The following HIPK3 variants were observed in gnomAD, a reference collection of about 807,000 sequenced individuals.
The protein encoded by HIPK3 is homeodomain interacting protein kinase 3.
Under a neutral mutation model 124.2 loss-of-function variants are expected in HIPK3, and 47 were observed. That is an observed-to-expected ratio of 0.38 (90% CI 0.30 to 0.48). HIPK3 has a LOEUF of 0.48. Among genes scored for constraint, HIPK3 ranks in the 20% least tolerant of loss-of-function variants. The pLI, the probability that HIPK3 is intolerant of heterozygous loss-of-function variation, is 0.98. For missense variants in HIPK3, 1,286 were observed against 1,454.3 expected (o/e 0.88, Z 1.88); for synonymous variants, 482 against 515.2 (o/e 0.94, Z 0.87).
chr11:33,272,286 C>G lies in HIPK3; in HGVS notation c.-2-14127C>G, dbSNP rs1167783995. On this transcript the variant is annotated intron_variant, in intron 1 of 16. Coordinates refer to ENST00000303296, the MANE Select transcript of HIPK3 (RefSeq NM_005734.5). ...TGGTGGCAGGTGCCTGTAATCCCAG[C>G]TACTCAGGAGGCTGAGGCAGGAGAA... 2.6e-5 allele frequency among the ~76,000 whole-genome samples: 4 copies of G among 152,100 alleles called. No individual in the cohort carries two copies. The East Asian group carries it at 5.8e-4, about 22-fold the overall frequency.
At chr11:33,290,218 A>G (rs970322300) in intron 2 of HIPK3, among the ~76,000 whole-genome samples, 1 of 152,192 alleles carries the variant, frequency 6.6e-6, no homozygotes, top group African/African-American at 2.4e-5. Flanking sequence ...GATACCATTA[A>G]AACTTTTCAG....
At chr11:33,331,355 T>C (rs894315528) in intron 3 of HIPK3, among the ~76,000 whole-genome samples, 1 of 152,124 alleles carries the variant, frequency 6.6e-6, no homozygotes, top group East Asian at 1.9e-4. Flanking sequence ...TGCCTAGATA[T>C]ACTTGGACAC....
chr11:33,289,394 A>G (rs1448901552), intron 2 of HIPK3, among the ~76,000 whole-genome samples: 1 of 152,158 alleles, frequency 6.6e-6, no homozygotes, highest in African/African-American at 2.4e-5. Context: ...ACAGTGAGCT[A>G]TGATAATGCC....
Position 33,287,423 on chromosome 11 carries a change from C to T in HIPK3, c.1009C>T (p.Pro337Ser). Residue 337 changes from proline (P) to serine (S), a missense_variant, in exon 2 of 17, where the codon CCT (proline) becomes TCT (serine). Physicochemically the swap from Pro to Ser is moderately conservative, Grantham distance 74 (BLOSUM62 -1). Around this residue, in one of 3 missense-constraint regions of HIPK3, gnomAD observed 251 missense variants for 349.1 expected, o/e 0.72. Coordinates refer to ENST00000303296, the MANE Select transcript of HIPK3 (RefSeq NM_005734.5). ...NIMLVDPVRQ[P>S]YRVKVIDFGS... ...TATGTTGGTGGATCCTGTTCGGCAG[C>T]CTTACAGGGTTAAAGTAATAGACTT... 1 of 1,614,086 alleles carries T rather than the reference C, an allele frequency of 6.2e-7. No homozygotes were observed. Among genetic ancestry groups the T allele is most frequent in the South Asian group, 1.1e-5 (1 of 91,074 alleles).
At chr11:33,322,817 C>G (rs184119683) in intron 2 of HIPK3, among the ~76,000 whole-genome samples, 1,537 of 152,266 alleles carry the variant, frequency 0.01, 10 homozygotes, top group Non-Finnish European at 0.017. Context: ...CAGAGCGAGA[C>G]TCCGTCTCAG....
Position 33,353,487 on chromosome 11 carries a change from A to C in HIPK3, c.3567A>C (p.Pro1189=), listed in dbSNP as rs1213865233. The change falls in exon 17 of 17, where the codon CCA becomes CCC. Residue 1189 remains proline, a synonymous_variant. Coordinates refer to ENST00000303296, the MANE Select transcript of HIPK3 (RefSeq NM_005734.5). Reference sequence around the variant, plus strand: ...CTCAGTACAAACCAATCTTCCCACCACATTCTTACATTGCAGCATCACCTG... The same window carrying C: ...CTCAGTACAAACCAATCTTCCCACCCCATTCTTACATTGCAGCATCACCTG... ...HQTQYKPIFP[P]HSYIAASPAY... is the part of the protein sequence containing the mutation. 1.2e-6 allele frequency: 2 copies of C among 1,614,090 alleles called. No individual in the cohort carries two copies. The highest frequency in any genetic ancestry group is 2.2e-5 in the South Asian group (2 of 91,080).
rs1853290483 is a variant in HIPK3, at chr11:33,340,234, C to T, written c.1613+700C>T. 2.6e-5 allele frequency among the ~76,000 whole-genome samples: 4 copies of T among 152,182 alleles called. 1 individual carries two copies. In the South Asian group the frequency reaches 8.3e-4, roughly 32 times the overall value. ...GAGTAGCTGGGACTACAGGCATACG[C>T]CACCATGCCTGGCAAATTTTTCGTA... On this transcript the variant is annotated intron_variant, in intron 6 of 16. Transcript: ENST00000303296.
intron 2 of HIPK3, among the ~76,000 whole-genome samples, chr11:33,320,525 A>G (rs976643815): frequency 6.6e-6 from 1 of 152,186 alleles, no homozygotes; most frequent in African/African-American, 2.4e-5. Flanking sequence ...ATGGTAGAGG[A>G]TAAGGACAGA....
chr11:33,328,507 C>T lies in HIPK3; in HGVS notation c.1098-3C>T, dbSNP rs1852875243. The T allele has an allele frequency of 6.2e-7, 1 of 1,608,258 alleles. No homozygotes were observed. Among genetic ancestry groups the T allele is most frequent in the Non-Finnish European group, 8.5e-7 (1 of 1,177,372 alleles). On this transcript the variant is annotated splice_polypyrimidine_tract_variant and splice_region_variant and intron_variant, in intron 2 of 16. Transcript: ENST00000303296. ...TGATTTTTGTTTTAATTTTAAATTT[C>T]AGAGCTCCAGAGATTATATTGGGGT...
At chr11:33,259,384 A>C (rs181031620) in intron 1 of HIPK3, among the ~76,000 whole-genome samples, 6 of 152,226 alleles carry the variant, frequency 3.9e-5, no homozygotes, top group Non-Finnish European at 8.8e-5. Context: ...GTGCAGTGCT[A>C]ATTTTATACA....
chr11:33,330,516 A>G (rs1852945524), intron 3 of HIPK3, among the ~76,000 whole-genome samples: 1 of 152,074 alleles, frequency 6.6e-6, no homozygotes, highest in Non-Finnish European at 1.5e-5. Flanking sequence ...TTTAGTAGAG[A>G]TGGGGTTTCA....
At position 33,355,740 on chromosome 11, in the gene HIPK3, C is replaced by T. The variant is rs931557233; in HGVS notation, c.*2172C>T. 1.3e-5 allele frequency: 2 copies of T among 151,900 alleles called. No individual in the cohort carries two copies. The highest frequency in any genetic ancestry group is 1.5e-5 in the Non-Finnish European group (1 of 67,870). 9.4% of individuals were successfully genotyped at this position (151,900 alleles called of 1,614,324 possible). On this transcript the variant is annotated 3_prime_UTR_variant, in exon 17 of 17. Coordinates refer to ENST00000303296, the MANE Select transcript of HIPK3 (RefSeq NM_005734.5). ...GATCATAAAGTAAAAACCAGCAGTA[C>T]ATTTTTAGTCACACTGAAAATGAAG...
chr11:33,332,886 C>T (rs1233566444), intron 3 of HIPK3, among the ~76,000 whole-genome samples: 1 of 152,150 alleles, frequency 6.6e-6, no homozygotes, highest in African/African-American at 2.4e-5. Context: ...GCATGTGCTT[C>T]TGGTGAGGGT....
chr11:33,331,614 A>C lies in HIPK3; in HGVS notation c.1221+2981A>C, dbSNP rs865820867. 8.5e-5 allele frequency among the ~76,000 whole-genome samples: 13 copies of C among 152,286 alleles called. No individual in the cohort carries two copies. The Middle Eastern group carries it at 0.014, about 159-fold the overall frequency. Reference sequence around the variant, plus strand: ...AGCTGGTCTCAAAGTCCTGGGCTTAAGCCATCCTCCCGCCTGGACCTCCAG... The same window carrying C: ...AGCTGGTCTCAAAGTCCTGGGCTTACGCCATCCTCCCGCCTGGACCTCCAG... On this transcript the variant is annotated intron_variant, in intron 3 of 16. Coordinates refer to ENST00000303296, the MANE Select transcript of HIPK3 (RefSeq NM_005734.5).
chr11:33,279,618 G>T (rs1851361200), intron 1 of HIPK3, among the ~76,000 whole-genome samples: 1 of 152,128 alleles, frequency 6.6e-6, no homozygotes, highest in Admixed American at 6.5e-5. Flanking sequence ...TGAACAGTTT[G>T]GATAGAGTAG....
chr11:33,343,453 T>A (rs1750092164), intron 8 of HIPK3, among the ~76,000 whole-genome samples: 1 of 152,038 alleles, frequency 6.6e-6, no homozygotes, highest in African/African-American at 2.4e-5. Flanking sequence ...CTAATTTTTG[T>A]ATTTTTAGTA....
chr11:33,352,553 A>G (rs976900688), intron 16 of HIPK3, among the ~76,000 whole-genome samples: 9 of 152,196 alleles, frequency 5.9e-5, no homozygotes, highest in African/African-American at 1.9e-4. Flanking sequence ...AATACTTTCC[A>G]TCTTATTCAA....
rs528357838 is a variant in HIPK3, at chr11:33,292,988, C to G, written c.1097+5477C>G. Among the ~76,000 whole-genome samples the G allele has an allele frequency of 1.5e-3, 221 of 152,320 alleles. 2 individuals carry two copies. The highest frequency in any genetic ancestry group is 5.0e-3 in the African/African-American group (209 of 41,576). Reference sequence around the variant, plus strand: ...TCCTGACCTTGTGATCCACCCGCCTCAGCTTCCCAAAGTGCTGGGATTACA... The same window carrying G: ...TCCTGACCTTGTGATCCACCCGCCTGAGCTTCCCAAAGTGCTGGGATTACA... On this transcript the variant is annotated intron_variant, in intron 2 of 16. Transcript: ENST00000303296.
rs1853824446 is a variant in HIPK3, at chr11:33,356,621, C to A, written c.*3053C>A. 6.6e-6 allele frequency: 1 copy of A among 151,920 alleles called. No homozygotes were observed. The highest frequency in any genetic ancestry group is 2.4e-5 in the African/African-American group (1 of 41,378). 9.4% of individuals were successfully genotyped at this position (151,920 alleles called of 1,614,324 possible). ...GGACTGTGTTAAGTAAAAGTTAAAT[C>A]ATACACTGCAAGGTGTAGGAAGATT... On this transcript the variant is annotated 3_prime_UTR_variant, in exon 17 of 17. Transcript: ENST00000303296.
Sources: gnomAD v4.1 joint callset for allele counts (sites outside exome capture counted in the v4.1 genomes callset) on GRCh38, gnomAD v4.1.1 for gene constraint, gnomAD v4.1.1 regional missense constraint, MANE v1.5 for transcripts, NCBI Gene and HGNC (gene_info 2026-07-23, HGNC 2026-07-21) for gene names.